KAZN: variants seen among roughly 807,000 people sequenced by gnomAD.
KAZN encodes kazrin, periplakin interacting protein.
A neutral mutation model predicts 87.4 loss-of-function variants in KAZN; 40 were observed. The observed-to-expected ratio is 0.46, with a 90% confidence interval of 0.36 to 0.60. The LOEUF is 0.60. Ranked by LOEUF, KAZN falls within the 20% of genes least tolerant of loss-of-function variation. The pLI is 0.00. For missense variants in KAZN, 898 were observed against 1,073.9 expected (o/e 0.84, Z 2.29); for synonymous variants, 466 against 458.3 (o/e 1.02, Z -0.22).
chr1:14,035,073 CA>C (rs952770339), intron 1 of KAZN, among the ~76,000 whole-genome samples: 48 of 152,258 alleles, frequency 3.2e-4, no homozygotes, highest in African/African-American at 1.1e-3. Flanking sequence ...CACAAAACAG[CA>C]AAAGAAGGTG....
intron 1 of KAZN, among the ~76,000 whole-genome samples, chr1:14,797,778 A>G (rs1000655050): frequency 2.0e-5 from 3 of 152,176 alleles, no homozygotes; most frequent in African/African-American, 7.2e-5. Flanking sequence ...CAGTTTCCTC[A>G]TCTGCAAAAT....
At chr1:13,899,588 G>A (rs1639169234) in intron 1 of KAZN, among the ~76,000 whole-genome samples, 1 of 151,312 alleles carries the variant, frequency 6.6e-6, no homozygotes, top group Non-Finnish European at 1.5e-5. Flanking sequence ...GTTCATTGAT[G>A]TCTTCTGTGT....
intron 2 of KAZN, among the ~76,000 whole-genome samples, chr1:14,394,101 C>CT (rs1034453920): frequency 9.9e-5 from 15 of 152,118 alleles, no homozygotes; most frequent in Admixed American, 5.2e-4. Context: ...AGAAAAGAAC[C>CT]TTTTTTATGG....
intron 2 of KAZN, among the ~76,000 whole-genome samples, chr1:14,528,323 G>A (rs2148475870): frequency 1.0e-5 from 1 of 97,948 alleles, no homozygotes; most frequent in African/African-American, 4.2e-5. Context: ...GGGTGACAGA[G>A]CAAGACTCCA....
chr1:15,023,768 T>C (rs1279444228), intron 2 of KAZN, among the ~76,000 whole-genome samples: 1 of 52,460 alleles, frequency 1.9e-5, no homozygotes, highest in Non-Finnish European at 3.8e-5. Context: ...GATATGGGGG[T>C]GGGGGTGGGG....
intron 1 of KAZN, among the ~76,000 whole-genome samples, chr1:14,141,041 A>G (rs1645224093): frequency 6.6e-6 from 1 of 152,074 alleles, no homozygotes; most frequent in African/African-American, 2.4e-5. Flanking sequence ...TGGAGGAACC[A>G]TGCCAAGAAT....
In KAZN at chr1:14,185,040, T is replaced by C. The variant is rs113317751; in HGVS notation, c.249+4448T>C. Among the ~76,000 whole-genome samples, 666 of 152,332 alleles carry C rather than the reference T, an allele frequency of 4.4e-3. 3 individuals carry two copies. Among genetic ancestry groups the C allele is most frequent in the African/African-American group, 0.015 (626 of 41,566 alleles). ...CCGGCTTTAGGGTTATGCCTATGAA[T>C]GTGACCTGGTTAGCCCTAGAGAATG... On this transcript the variant is annotated intron_variant, in intron 2 of 16. Coordinates refer to the KAZN transcript ENST00000636203.
chr1:14,011,052 A>G (rs899753283), intron 1 of KAZN, among the ~76,000 whole-genome samples: 4 of 151,454 alleles, frequency 2.6e-5, no homozygotes, highest in African/African-American at 9.7e-5. Flanking sequence ...CACTATTGCC[A>G]TAGTTCAGCA....
chr1:14,499,610 C>T (rs1670134443), intron 2 of KAZN, among the ~76,000 whole-genome samples: 1 of 152,186 alleles, frequency 6.6e-6, no homozygotes, highest in South Asian at 2.1e-4. Context: ...CCCTCCCAAG[C>T]AAACCAAATC....
intron 2 of KAZN, among the ~76,000 whole-genome samples, chr1:14,424,150 A>G (rs1384025732): frequency 6.6e-6 from 1 of 152,178 alleles, no homozygotes; most frequent in Non-Finnish European, 1.5e-5. Context: ...TAGCCTCTCA[A>G]AGCCTCAGCT....
chr1:14,383,912 G>C (rs1661619394), intron 2 of KAZN, among the ~76,000 whole-genome samples: 1 of 151,934 alleles, frequency 6.6e-6, no homozygotes, highest in African/African-American at 2.4e-5. Context: ...GGGCAGTATG[G>C]CCATTTTCAC....
chr1:14,105,222 A>T (rs1353834620), intron 1 of KAZN, among the ~76,000 whole-genome samples: 1 of 152,222 alleles, frequency 6.6e-6, no homozygotes, highest in Non-Finnish European at 1.5e-5. Context: ...AGACCAAGAG[A>T]AGCACTTCAA....
At chr1:14,887,113 C>G (rs991863673) in intron 1 of KAZN, among the ~76,000 whole-genome samples, 1 of 152,200 alleles carries the variant, frequency 6.6e-6, no homozygotes, top group South Asian at 2.1e-4. Context: ...TATTGGCAGA[C>G]GATCAATAAA....
At chr1:15,084,579 A>G (rs113931636) in intron 8 of KAZN, among the ~76,000 whole-genome samples, 68 of 152,356 alleles carry the variant, frequency 4.5e-4, no homozygotes, top group African/African-American at 1.6e-3. Context: ...CCTGGAGGCA[A>G]ATGCTGCTAT....
At chr1:14,324,705 T>C (rs879645342) in intron 2 of KAZN, among the ~76,000 whole-genome samples, 1 of 152,186 alleles carries the variant, frequency 6.6e-6, no homozygotes, top group Non-Finnish European at 1.5e-5. Flanking sequence ...CGCACTACTG[T>C]TATTACTCCC....
intron 1 of KAZN, among the ~76,000 whole-genome samples, chr1:14,055,845 C>A (rs1256873944): frequency 2.0e-5 from 3 of 152,142 alleles, no homozygotes; most frequent in African/African-American, 7.2e-5. Context: ...GTGTTCTGGA[C>A]TTAATTTTGC....
intron 1 of KAZN, among the ~76,000 whole-genome samples, chr1:14,053,942 A>G (rs1255911869): frequency 1.3e-5 from 2 of 152,208 alleles, no homozygotes; most frequent in African/African-American, 4.8e-5. Context: ...TTACTAAGGG[A>G]AGCATAAGGA....
chr1:14,703,085 G>T (rs1022638791), intron 1 of KAZN, among the ~76,000 whole-genome samples: 2 of 152,162 alleles, frequency 1.3e-5, no homozygotes, highest in African/African-American at 4.8e-5. Flanking sequence ...AAGGTCAGGT[G>T]GTATGTAAAT....
chr1:14,376,257 T>C (rs1660911992), intron 2 of KAZN, among the ~76,000 whole-genome samples: 1 of 152,164 alleles, frequency 6.6e-6, no homozygotes, highest in South Asian at 2.1e-4. Context: ...TCATCAGTGA[T>C]ATGGCTTGAA....
Sources: allele counts gnomAD v4.1 joint callset (sites outside exome capture counted in the v4.1 genomes callset), GRCh38; gene constraint gnomAD v4.1.1; transcripts MANE v1.5; gene names NCBI Gene and HGNC (gene_info 2026-07-23, HGNC 2026-07-21).